Variants in PTPRT observed in about 807,000 individuals in gnomAD.
The protein encoded by PTPRT is receptor-type tyrosine-protein phosphatase T.
Under a neutral mutation model 176.8 loss-of-function variants are expected in PTPRT, and 56 were observed. That is an observed-to-expected ratio of 0.32 (90% CI 0.26 to 0.40). The LOEUF (loss-of-function observed/expected upper bound fraction) is 0.40. Ranked by LOEUF, PTPRT falls within the 10% of genes least tolerant of loss-of-function variation. The pLI is 1.00. For missense variants in PTPRT, 1,540 were observed against 1,908.2 expected, an observed-to-expected ratio of 0.81 and a Z score of 3.60; for synonymous variants, 783 against 739.0, an observed-to-expected ratio of 1.06 and a Z score of -0.96.
intron 1 of PTPRT, among the ~76,000 whole-genome samples, chr20:43,019,267 A>G (rs1985530973): frequency 6.6e-6 from 1 of 152,180 alleles, no homozygotes; most frequent in East Asian, 1.9e-4. Flanking sequence ...TTCAGTAGGC[A>G]CAAAACCCAT....
intron 1 of PTPRT, among the ~76,000 whole-genome samples, chr20:43,128,618 T>C (rs908939086): frequency 6.6e-6 from 1 of 152,140 alleles, no homozygotes; most frequent in Non-Finnish European, 1.5e-5. Flanking sequence ...TTTCCTAATA[T>C]CAAGAAGGGA....
At chr20:42,764,991 G>T (rs1210134022) in intron 5 of PTPRT, among the ~76,000 whole-genome samples, 4 of 152,196 alleles carry the variant, frequency 2.6e-5, no homozygotes, top group Non-Finnish European at 4.4e-5. Flanking sequence ...CGAACCGGCT[G>T]CAGTAAAGAC....
At chr20:42,049,111 C>A in the PTPRT span, among the ~76,000 whole-genome samples, 2 of 152,222 alleles carry the variant, frequency 1.3e-5, no homozygotes, top group African/African-American at 4.8e-5. Flanking sequence ...CATACCACTG[C>A]CACTAAGTTT....
chr20:42,633,751 C>T (rs1288336998), intron 7 of PTPRT, among the ~76,000 whole-genome samples: 1 of 118,758 alleles, frequency 8.4e-6, no homozygotes, highest in Non-Finnish European at 1.6e-5. Context: ...ACACCACTGC[C>T]CTCCAGCCTG....
At chr20:42,293,165 G>A (rs999006322) in intron 12 of PTPRT, among the ~76,000 whole-genome samples, 8 of 152,166 alleles carry the variant, frequency 5.3e-5, no homozygotes, top group Middle Eastern at 3.2e-3. Context: ...CAAGCCATTC[G>A]GAAAATTTAA....
intron 9 of PTPRT, among the ~76,000 whole-genome samples, chr20:42,373,993 A>G (rs1178294932): frequency 6.6e-6 from 1 of 152,144 alleles, no homozygotes; most frequent in Admixed American, 6.5e-5. Context: ...CCTGTTTGGG[A>G]ACTGGGGGCT....
intron 3 of PTPRT, among the ~76,000 whole-genome samples, chr20:42,790,944 A>G (rs970419736): frequency 1.3e-5 from 2 of 152,186 alleles, no homozygotes; most frequent in African/African-American, 4.8e-5. Context: ...TTCCTCTAGC[A>G]TCTTCAGGAG....
intron 13 of PTPRT, among the ~76,000 whole-genome samples, chr20:42,260,437 TA>T (rs1016950667): frequency 4.6e-5 from 7 of 152,326 alleles, no homozygotes; most frequent in Admixed American, 4.6e-4. Flanking sequence ...CACTGGGGAT[TA>T]AGGGTTTAGT....
intron 1 of PTPRT, among the ~76,000 whole-genome samples, chr20:43,127,249 C>T (rs928225131): frequency 1.4e-4 from 21 of 151,952 alleles, no homozygotes; most frequent in African/African-American, 2.7e-4. Flanking sequence ...TGGTGAAACC[C>T]TATCTCTACT....
chr20:42,647,541 C>T (rs1029804817), intron 7 of PTPRT, among the ~76,000 whole-genome samples: 3 of 152,082 alleles, frequency 2.0e-5, no homozygotes, highest in Non-Finnish European at 2.9e-5. Context: ...TGAAACCATC[C>T]AATTTGCAAG....
intron 1 of PTPRT, among the ~76,000 whole-genome samples, chr20:43,071,919 C>A (rs1341147473): frequency 6.6e-6 from 1 of 152,260 alleles, no homozygotes; most frequent in African/African-American, 2.4e-5. Context: ...CCCACTTAAA[C>A]AGTCAGTCAC....
At chr20:42,673,070 C>T (rs1007456141) in intron 7 of PTPRT, among the ~76,000 whole-genome samples, 15 of 152,222 alleles carry the variant, frequency 9.9e-5, no homozygotes, top group African/African-American at 3.1e-4. Flanking sequence ...CTCCTTACTA[C>T]CCAATGCCAC....
At chr20:42,565,738 G>A (rs1345226419) in intron 7 of PTPRT, among the ~76,000 whole-genome samples, 6 of 152,112 alleles carry the variant, frequency 3.9e-5, no homozygotes, top group African/African-American at 7.2e-5. Flanking sequence ...TGGATCAAGG[G>A]GATGAGCGCA....
chr20:43,112,866 T>G (rs376624141), intron 1 of PTPRT, among the ~76,000 whole-genome samples: 1 of 152,288 alleles, frequency 6.6e-6, no homozygotes, highest in East Asian at 1.9e-4. Flanking sequence ...CGTGGGGTTT[T>G]GCATGTAACT....
intron 9 of PTPRT, among the ~76,000 whole-genome samples, chr20:42,380,570 TCA>T (rs1330329951): frequency 6.6e-6 from 1 of 152,112 alleles, no homozygotes; most frequent in Non-Finnish European, 1.5e-5. Flanking sequence ...GGGAAGATGG[TCA>T]CACAGCAAGA....
chr20:42,792,027 T>A lies in PTPRT; in HGVS notation c.215-561A>T, dbSNP rs909559768. Among the ~76,000 whole-genome samples the A allele has an allele frequency of 4.6e-5, 7 of 152,358 alleles. No individual in the cohort carries two copies. The South Asian group carries it at 1.4e-3, about 32-fold the overall frequency. On this transcript the variant is annotated intron_variant, in intron 2 of 30. Transcript: ENST00000373187. ...AATGATTCAAGCAAAGGTTAAAATG[T>A]GCTTGCCTTGCTGGGCTTGCCGTCT...
chr20:42,143,124 T>A (rs1205583675), intron 17 of PTPRT, among the ~76,000 whole-genome samples: 1 of 152,148 alleles, frequency 6.6e-6, no homozygotes, highest in Non-Finnish European at 1.5e-5. Context: ...TGGGCATTAT[T>A]CTAAGTGTGA....
At chr20:42,213,727 G>A (rs1000755437) in intron 15 of PTPRT, among the ~76,000 whole-genome samples, 3 of 152,134 alleles carry the variant, frequency 2.0e-5, no homozygotes, top group African/African-American at 7.2e-5. Context: ...ATAAGCCAAG[G>A]AGCACGGAGG....
chr20:42,422,862 C>A (rs2145775696), intron 9 of PTPRT, among the ~76,000 whole-genome samples: 1 of 152,156 alleles, frequency 6.6e-6, no homozygotes, highest in South Asian at 2.1e-4. Flanking sequence ...TACAATGCAG[C>A]CATAAAAAGG....
Sources: gnomAD v4.1 joint callset for allele counts (sites outside exome capture counted in the v4.1 genomes callset) on GRCh38, gnomAD v4.1.1 for gene constraint, MANE v1.5 for transcripts, NCBI Gene and HGNC (gene_info 2026-07-23, HGNC 2026-07-21) for gene names.